Variants in EHMT1 observed in about 807,000 individuals in gnomAD.
EHMT1 encodes the protein histone-lysine N-methyltransferase EHMT1.
EHMT1 carries 15 observed loss-of-function variants against 147.2 expected under a neutral mutation model. That is an observed-to-expected ratio of 0.10 (90% CI 0.07 to 0.16). EHMT1 has a LOEUF of 0.16. Ranked by LOEUF, EHMT1 falls within the 10% of genes least tolerant of loss-of-function variation. The pLI is 1.00. For synonymous variants in EHMT1, 795 were observed against 709.6 expected, an observed-to-expected ratio of 1.12 and a Z score of -1.91; for missense variants, 1,587 against 1,772.4, an observed-to-expected ratio of 0.90 and a Z score of 1.88.
chr9:137,726,616 A>G (rs1946656870), intron 3 of EHMT1, among the ~76,000 whole-genome samples: 2 of 152,254 alleles, frequency 1.3e-5, no homozygotes, highest in East Asian at 1.9e-4. Context: ...CCCTGCTTTC[A>G]GTGCTGCTGG....
At chr9:137,727,192 G>A (rs933996492) in intron 3 of EHMT1, among the ~76,000 whole-genome samples, 2 of 152,074 alleles carry the variant, frequency 1.3e-5, no homozygotes, top group African/African-American at 4.8e-5. Context: ...ATGTTGCCCA[G>A]ACTCATCTTG....
At chr9:137,709,947 A>G (rs991068619) in intron 1 of EHMT1, among the ~76,000 whole-genome samples, 1 of 152,090 alleles carries the variant, frequency 6.6e-6, no homozygotes, top group Non-Finnish European at 1.5e-5. Flanking sequence ...TCCCACTTGC[A>G]GTCTGGCATC....
At chr9:137,627,626 T>G (rs1254418196) in intron 1 of EHMT1, among the ~76,000 whole-genome samples, 1 of 152,116 alleles carries the variant, frequency 6.6e-6, no homozygotes, top group African/African-American at 2.4e-5. Context: ...CGCCCGGCCC[T>G]TTTGCAGAGG....
chr9:137,738,995 G>C (rs1403905540), intron 4 of EHMT1, among the ~76,000 whole-genome samples: 1 of 151,786 alleles, frequency 6.6e-6, no homozygotes, highest in Non-Finnish European at 1.5e-5. Flanking sequence ...ACAACATTCT[G>C]AATGTATTTA....
At chr9:137,751,383 TG>T (rs1405743555) in intron 6 of EHMT1, among the ~76,000 whole-genome samples, 2 of 152,232 alleles carry the variant, frequency 1.3e-5, no homozygotes, top group African/African-American at 4.8e-5. Context: ...CTTGAACTTC[TG>T]GCCTCAAGCA....
intron 18 of EHMT1, among the ~76,000 whole-genome samples, chr9:137,804,121 AACTC>A (rs1233061134): frequency 6.6e-6 from 1 of 152,188 alleles, no homozygotes; most frequent in African/African-American, 2.4e-5. Context: ...CTCTTGTGAG[AACTC>A]ACTCACATGA....
At chr9:137,735,750 C>T (rs1435360396) in intron 4 of EHMT1, among the ~76,000 whole-genome samples, 1 of 152,156 alleles carries the variant, frequency 6.6e-6, no homozygotes, top group Non-Finnish European at 1.5e-5. Context: ...GCCCTCCCTC[C>T]AGGTGAGTGA....
intron 1 of EHMT1, among the ~76,000 whole-genome samples, chr9:137,675,630 ATTT>A (rs61666243): frequency 0.38 from 39,714 of 104,914 alleles, 7,685 homozygotes; most frequent in African/African-American, 0.59. Context: ...CGCCCGGCTA[ATTT>A]TTTTTTTTTT....
Position 137,834,504 on chromosome 9 carries a change from C to T in EHMT1, c.3696C>T (p.Ile1232=), listed in dbSNP as rs1195726173. 6 of 1,611,474 alleles carry T rather than the reference C, an allele frequency of 3.7e-6. No individual in the cohort carries two copies. The highest frequency in any genetic ancestry group is 1.7e-5 in the Admixed American group (1 of 60,002). ...PRIAFFSTRL[I]EAGEQLGFDY... ...TCGCCTTCTTCAGCACCCGCCTGAT[C>T]GAGGCCGGCGAGCAGCTCGGGTACG... Residue 1232 remains isoleucine (I), a synonymous_variant, in exon 26 of 27, where the codon ATC becomes ATT. Transcript: ENST00000460843.
In EHMT1 at chr9:137,782,204, G is replaced by A. The variant is rs894777392; in HGVS notation, c.2276-87G>A. The A allele has an allele frequency of 4.7e-6, 6 of 1,282,824 alleles. No homozygotes were observed. The highest frequency in any genetic ancestry group is 1.3e-5 in the South Asian group (1 of 78,690). The allele number at this position is 1,282,824 out of a possible 1,614,324, so 79.5% of individuals were successfully genotyped here. Reference sequence around the variant, plus strand: ...CTGTTTATGTGGAGGATGGTCATTTGTGAGTGCTTGCCAGCCATCGTGACA... The same window carrying A: ...CTGTTTATGTGGAGGATGGTCATTTATGAGTGCTTGCCAGCCATCGTGACA... On this transcript the variant is annotated intron_variant, in intron 14 of 26. Transcript: ENST00000460843. This position sits in a 1 kb window ranked among gnomAD's most constrained non-coding sequence, Gnocchi z 5.7.
At position 137,716,934 on chromosome 9, in the gene EHMT1, C is replaced by G; in HGVS notation, c.394C>G (p.Leu132Val). Reference protein sequence around the residue: ...SNGYILNKPALQAQPLRTTST... With the variant: ...SNGYILNKPAVQAQPLRTTST... ...CGGATACATCTTAAATAAGCCGGCC[C>G]TACAGGCACAGCCCTTGAGGACTAC... Residue 132 changes from leucine (L) to valine (V), a missense_variant, in exon 3 of 27, where the codon CTA (leucine) becomes GTA (valine). Around this residue, in one of 7 missense-constraint regions of EHMT1, gnomAD observed 810 missense variants for 673.0 expected, o/e 1.20. Transcript: ENST00000460843. 1 of 1,612,954 alleles carries G rather than the reference C, an allele frequency of 6.2e-7. No homozygotes were observed. The highest frequency in any genetic ancestry group is 8.5e-7 in the Non-Finnish European group (1 of 1,179,856).
intron 10 of EHMT1, chr9:137,763,183 C>A: frequency 2.5e-6 from 1 of 406,986 alleles, no homozygotes; most frequent in Non-Finnish European, 4.4e-6. Flanking sequence ...CTGCCCAGAA[C>A]TGTGGTTTCC....
chr9:137,717,412 G>C (rs1945440226), intron 3 of EHMT1: 1 of 636,052 alleles, frequency 1.6e-6, no homozygotes, highest in Non-Finnish European at 2.7e-6. Context: ...AGACCAGCCT[G>C]GGCAGCGTGG....
chr9:137,650,894 C>T (rs1406317244), intron 1 of EHMT1: 1 of 151,918 alleles, frequency 6.6e-6, no homozygotes, highest in African/African-American at 2.4e-5. Context: ...CTCCTGGGCT[C>T]AAGCAATCTT....
intron 1 of EHMT1, among the ~76,000 whole-genome samples, chr9:137,703,322 C>G (rs1300239021): frequency 6.6e-6 from 1 of 152,206 alleles, no homozygotes; most frequent in African/African-American, 2.4e-5. Flanking sequence ...TGAACCCCTT[C>G]CCTGAAAAAT....
chr9:137,674,500 T>C lies in EHMT1; in HGVS notation c.22-36467T>C, dbSNP rs1052952214. ...CCCTGACTCTCGGCTCCAGCGCTCT[T>C]TCTTTGTGTTCTGTCTGGTCTAGAA... On this transcript the variant is annotated intron_variant, in intron 1 of 26. Transcript: ENST00000460843. Among the ~76,000 whole-genome samples, 4 of 152,302 alleles carry C rather than the reference T, an allele frequency of 2.6e-5. No individual in the cohort carries two copies. In the South Asian group the frequency reaches 8.3e-4, roughly 32 times the overall value.
At chr9:137,721,159 C>T (rs1003335558) in intron 3 of EHMT1, among the ~76,000 whole-genome samples, 1 of 151,458 alleles carries the variant, frequency 6.6e-6, no homozygotes, top group Non-Finnish European at 1.5e-5. Context: ...TCACCCCTCC[C>T]AGACTTCTCA....
chr9:137,804,782 T>A (rs1430777420), intron 18 of EHMT1, among the ~76,000 whole-genome samples: 1 of 152,212 alleles, frequency 6.6e-6, no homozygotes, highest in Admixed American at 6.5e-5. Flanking sequence ...GAACTTTTTT[T>A]TTTTGGCTTA....
At chr9:137,802,636 G>A (rs1953591810) in intron 18 of EHMT1, 3 of 419,620 alleles carry the variant, frequency 7.1e-6, no homozygotes, top group Admixed American at 4.4e-5. Flanking sequence ...GGGGAGGTCT[G>A]CATTTGGAAC....
Sources: gnomAD v4.1 joint callset for allele counts (sites outside exome capture counted in the v4.1 genomes callset) on GRCh38, gnomAD v4.1.1 for gene constraint, gnomAD v4.1.1 regional missense constraint, Gnocchi (gnomAD v3.1) non-coding constraint, MANE v1.5 for transcripts, NCBI Gene and HGNC (gene_info 2026-07-23, HGNC 2026-07-21) for gene names.